The following PDE5A variants were observed in gnomAD, a reference collection of about 807,000 sequenced individuals.
The protein encoded by PDE5A is cGMP-specific 3',5'-cyclic phosphodiesterase.
Under a neutral mutation model 110.2 loss-of-function variants are expected in PDE5A, and 67 were observed. The observed-to-expected ratio is 0.61, with a 90% confidence interval of 0.50 to 0.75. The LOEUF (loss-of-function observed/expected upper bound fraction) is 0.75. Among genes scored for constraint, PDE5A ranks in the 30% least tolerant of loss-of-function variants. PDE5A has a pLI of 0.00. For synonymous variants in PDE5A, 328 were observed against 351.2 expected (o/e 0.93, Z 0.74); for missense variants, 862 against 1,045.1 (o/e 0.82, Z 2.42).
chr4:119,552,286 C>G (rs1727382813), intron 9 of PDE5A, among the ~76,000 whole-genome samples: 1 of 152,088 alleles, frequency 6.6e-6, no homozygotes, highest in South Asian at 2.1e-4. Flanking sequence ...ATCTCTTATA[C>G]AGTCTACCAA....
intron 6 of PDE5A, 127 bp downstream of exon 6, chr4:119,562,706 T>C (rs1436164629): frequency 7.6e-6 from 5 of 660,196 alleles, no homozygotes; most frequent in Non-Finnish European, 1.2e-5. Flanking sequence ...ATTAGTTTTA[T>C]ATACATATTC....
chr4:119,571,928 G>T (rs1256641258), intron 3 of PDE5A, among the ~76,000 whole-genome samples: 2 of 152,058 alleles, frequency 1.3e-5, no homozygotes, highest in Non-Finnish European at 2.9e-5. Flanking sequence ...CATTTCTCAA[G>T]AATTTTAATG....
chr4:119,605,382 C>T (rs1174673830), intron 2 of PDE5A, among the ~76,000 whole-genome samples: 1 of 152,156 alleles, frequency 6.6e-6, no homozygotes, highest in Non-Finnish European at 1.5e-5. Flanking sequence ...CATGGTGGCT[C>T]ATGCCTGTAA....
intron 3 of PDE5A, among the ~76,000 whole-genome samples, chr4:119,579,344 T>C (rs1455863270): frequency 3.3e-5 from 5 of 152,318 alleles, no homozygotes; most frequent in Non-Finnish European, 7.3e-5. Context: ...ACTGGGTATA[T>C]ACCCAAAGGA....
At chr4:119,599,574 C>A (rs924632866) in intron 2 of PDE5A, among the ~76,000 whole-genome samples, 3 of 151,104 alleles carry the variant, frequency 2.0e-5, no homozygotes, top group Non-Finnish European at 4.4e-5. Context: ...ATTTAACAGC[C>A]CACCGAAAAC....
chr4:119,518,328 G>A (rs1002943543), intron 14 of PDE5A, among the ~76,000 whole-genome samples: 1 of 152,198 alleles, frequency 6.6e-6, no homozygotes, highest in Non-Finnish European at 1.5e-5. Context: ...TTGATGAAAA[G>A]TGATGTCACC....
At chr4:119,559,362 T>C (rs1423061019) in intron 7 of PDE5A, among the ~76,000 whole-genome samples, 3 of 152,190 alleles carry the variant, frequency 2.0e-5, no homozygotes, top group African/African-American at 7.2e-5. Context: ...AGGGATATGC[T>C]GCTGCACAAA....
intron 3 of PDE5A, among the ~76,000 whole-genome samples, chr4:119,587,424 C>T (rs1007052921): frequency 4.0e-5 from 6 of 150,806 alleles, no homozygotes; most frequent in South Asian, 2.1e-4. Context: ...TCGCCCAGGC[C>T]GGACTGCGGA....
chr4:119,552,067 GT>G (rs1560612333), intron 9 of PDE5A: 1 of 152,068 alleles, frequency 6.6e-6, no homozygotes, highest in Non-Finnish European at 1.5e-5. Flanking sequence ...TGAAGTAGAG[GT>G]TTTTCTATAA....
chr4:119,583,040 C>G (rs185277988), intron 3 of PDE5A, among the ~76,000 whole-genome samples: 11 of 152,262 alleles, frequency 7.2e-5, no homozygotes, highest in African/African-American at 2.6e-4. Flanking sequence ...TCGGCCTATC[C>G]TTTGATGCTT....
At chr4:119,620,146 G>T (rs1261722893) in intron 1 of PDE5A, among the ~76,000 whole-genome samples, 3 of 152,124 alleles carry the variant, frequency 2.0e-5, no homozygotes, top group African/African-American at 7.2e-5. Context: ...GAGAAGCAAT[G>T]GTTTAGATGA....
chr4:119,567,148 G>A lies in PDE5A; in HGVS notation c.832-4C>T. The A allele has an allele frequency of 6.2e-7, 1 of 1,607,712 alleles. No individual in the cohort carries two copies. The highest frequency in any genetic ancestry group is 8.5e-7 in the Non-Finnish European group (1 of 1,175,640). On this transcript the variant is annotated splice_region_variant and splice_polypyrimidine_tract_variant and intron_variant, in intron 3 of 20. Transcript: ENST00000354960. ...TGGCCTGGGCTACACCAACAACCTG[G>A]TATAAGGAGAGAAAAGCGACAATTT...
chr4:119,514,274 G>A (rs1162905470), intron 14 of PDE5A, among the ~76,000 whole-genome samples: 1 of 152,054 alleles, frequency 6.6e-6, no homozygotes, highest in Non-Finnish European at 1.5e-5. Context: ...GAAAATGAAA[G>A]CCCCATGGGG....
intron 7 of PDE5A, among the ~76,000 whole-genome samples, chr4:119,556,185 C>T (rs1727531796): frequency 6.6e-6 from 1 of 152,090 alleles, no homozygotes; most frequent in South Asian, 2.1e-4. Flanking sequence ...ATATGGCCAC[C>T]CAGAATAAAG....
chr4:119,531,709 C>G (rs951948540), intron 11 of PDE5A, among the ~76,000 whole-genome samples: 24 of 152,168 alleles, frequency 1.6e-4, no homozygotes, highest in African/African-American at 5.1e-4. Flanking sequence ...TTCCCTCCCC[C>G]ACCTATTGCC....
chr4:119,516,930 C>T (rs1277894346), intron 14 of PDE5A: 1 of 152,270 alleles, frequency 6.6e-6, no homozygotes, highest in Non-Finnish European at 1.5e-5. Flanking sequence ...TCATTCTCTT[C>T]TTGATTCACC....
At chr4:119,587,681 G>C (rs539626062) in intron 3 of PDE5A, among the ~76,000 whole-genome samples, 42 of 152,278 alleles carry the variant, frequency 2.8e-4, no homozygotes, top group African/African-American at 9.1e-4. Flanking sequence ...ACCATGCCTG[G>C]CCAATTTCTA....
In PDE5A at chr4:119,607,217, G is replaced by A. The variant is rs1336632327; in HGVS notation, c.233C>T (p.Ser78Phe). 1.2e-6 allele frequency: 2 copies of A among 1,614,142 alleles called. No individual in the cohort carries two copies. Among genetic ancestry groups the A allele is most frequent in the Admixed American group, 1.7e-5 (1 of 60,030 alleles). ...ACTCTGCTGCAAGGGACAAGAGCAA[G>A]ATTCGGTGTGGCCTCTGATACCTTC... ...CKEGIRGHTE[S>F]CSCPLQQSPR... Residue 78 changes from serine to phenylalanine, a missense_variant, in exon 2 of 21, where the codon TCT becomes TTT. Ser to Phe is a radical substitution (Grantham distance 155). Coordinates refer to ENST00000354960, the MANE Select transcript of PDE5A (RefSeq NM_001083.4).
At chr4:119,621,570 A>T (rs1730142440) in intron 1 of PDE5A, among the ~76,000 whole-genome samples, 1 of 152,216 alleles carries the variant, frequency 6.6e-6, no homozygotes, top group Non-Finnish European at 1.5e-5. Flanking sequence ...TGGACAGATA[A>T]ATAGATGCAA....
Sources: gnomAD v4.1 joint callset for allele counts (sites outside exome capture counted in the v4.1 genomes callset) on GRCh38, gnomAD v4.1.1 for gene constraint, MANE v1.5 for transcripts, NCBI Gene and HGNC (gene_info 2026-07-23, HGNC 2026-07-21) for gene names.